The following ETS1 variants were observed in gnomAD, a reference collection of about 807,000 sequenced individuals.
ETS1 encodes the protein ETS proto-oncogene 1, transcription factor.
ETS1 carries 15 observed loss-of-function variants against 58.6 expected under a neutral mutation model. The observed-to-expected ratio is 0.26, with a 90% CI of 0.17 to 0.39. ETS1 has a LOEUF of 0.39. Ranked by LOEUF, ETS1 falls within the 10% of genes least tolerant of loss-of-function variation. ETS1 has a pLI of 1.00. For synonymous variants in ETS1, 214 were observed against 218.2 expected (o/e 0.98, Z 0.17); for missense variants, 417 against 610.5 (o/e 0.68, Z 3.34).
chr11:128,571,265 A>C (rs993749840), intron 2 of ETS1, among the ~76,000 whole-genome samples: 1 of 152,010 alleles, frequency 6.6e-6, no homozygotes, highest in Non-Finnish European at 1.5e-5. Context: ...AAATATAAAA[A>C]ATTAGCCAGG....
intron 2 of ETS1, among the ~76,000 whole-genome samples, chr11:128,564,788 G>A (rs374264322): frequency 3.3e-5 from 5 of 152,154 alleles, no homozygotes; most frequent in African/African-American, 1.2e-4. Flanking sequence ...TAGGCATCTT[G>A]TGGTATGGAG....
rs553901861 is a variant in ETS1, at chr11:128,519,972, G to A, written c.215-29396C>T. ...GAAATCAAACCTCTTTACAATGAAT[G>A]GCAGAAGACTGCCCAATTTCTTTGG... On this transcript the variant is annotated intron_variant, in intron 3 of 9. Transcript: ENST00000392668. Among the ~76,000 whole-genome samples the A allele has an allele frequency of 3.9e-5, 6 of 152,206 alleles. No homozygotes were observed. In the South Asian group the frequency reaches 1.2e-3, roughly 32 times the overall value.
chr11:128,480,970 T>C (rs1038103359), intron 7 of ETS1, among the ~76,000 whole-genome samples: 2 of 152,206 alleles, frequency 1.3e-5, no homozygotes, highest in Non-Finnish European at 2.9e-5. Flanking sequence ...TAAGAGCAGA[T>C]TAGCCTGTTT....
intron 5 of ETS1, among the ~76,000 whole-genome samples, chr11:128,487,469 G>A (rs537228291): frequency 2.6e-5 from 4 of 152,252 alleles, no homozygotes; most frequent in South Asian, 2.1e-4. Flanking sequence ...GGGCAGGCGC[G>A]GTGGCTCACG....
chr11:128,482,241 T>C (rs1224366474), intron 7 of ETS1, among the ~76,000 whole-genome samples: 3 of 152,186 alleles, frequency 2.0e-5, no homozygotes, highest in African/African-American at 7.2e-5. Context: ...AACCAGAATG[T>C]CAAAGCCTTG....
chr11:128,549,969 C>G lies in ETS1; in HGVS notation c.214+6322G>C, dbSNP rs1864203945. Among the ~76,000 whole-genome samples the G allele has an allele frequency of 6.6e-6, 1 of 152,208 alleles. No homozygotes were observed. Among genetic ancestry groups the G allele is most frequent in the Non-Finnish European group, 1.5e-5 (1 of 68,038 alleles). ...TCTTCGATTCACCTAAATCCACACT[C>G]ACACCATGGCGAAAGGAAAAAGAAG... On this transcript the variant is annotated intron_variant, in intron 3 of 9. Coordinates refer to ENST00000392668, the MANE Select transcript of ETS1 (RefSeq NM_001143820.2). The surrounding 1 kb of genome is among the most constrained non-coding windows in gnomAD (Gnocchi z 4.3).
At chr11:128,546,017 A>C (rs760620702) in intron 3 of ETS1, among the ~76,000 whole-genome samples, 15 of 152,246 alleles carry the variant, frequency 9.9e-5, no homozygotes, top group Non-Finnish European at 1.3e-4. Flanking sequence ...TCAAGGAGCT[A>C]GCCACTTTCA....
intron 8 of ETS1, among the ~76,000 whole-genome samples, chr11:128,473,800 G>C (rs915370913): frequency 1.3e-5 from 2 of 152,092 alleles, no homozygotes; most frequent in African/African-American, 4.8e-5. Context: ...AGGCCGTCCA[G>C]AGAAAAGAAA....
intron 1 of ETS1, among the ~76,000 whole-genome samples, chr11:128,577,485 A>G (rs1288080556): frequency 6.6e-6 from 1 of 152,220 alleles, no homozygotes; most frequent in Non-Finnish European, 1.5e-5. Context: ...GATTTAGTTC[A>G]TTTATTCACT....
rs766392041 is a variant in ETS1 at position 128,460,738 on chromosome 11, G to A, written c.*1623C>T. ...ACTATGTTTGTATTTAAACCTTGGG[G>A]GAACTAAAAATCTATTCAAATCTCA... On this transcript the variant is annotated 3_prime_UTR_variant, in exon 10 of 10. Coordinates refer to ENST00000392668, the MANE Select transcript of ETS1 (RefSeq NM_001143820.2). 7.9e-5 allele frequency: 12 copies of A among 152,278 alleles called. No homozygotes were observed. The highest frequency in any genetic ancestry group is 7.2e-4 in the Admixed American group (11 of 15,286). 9.4% of individuals were successfully genotyped at this position (152,278 alleles called of 1,614,324 possible). A position where few individuals can be genotyped will look rare whatever the true frequency, so the allele number is the denominator to read the frequency against.
At chr11:128,486,028 T>C in intron 6 of ETS1, 41 bp downstream of exon 6, 3 of 1,251,144 alleles carry the variant, frequency 2.4e-6, no homozygotes, top group African/African-American at 3.0e-5. Flanking sequence ...TTTTCCTAGT[T>C]TGCTATTATC....
intron 3 of ETS1, among the ~76,000 whole-genome samples, chr11:128,496,007 A>G (rs2135471740): frequency 6.6e-6 from 1 of 152,268 alleles, no homozygotes; most frequent in East Asian, 1.9e-4. Flanking sequence ...CCATACACAC[A>G]CGCAGAAGAA....
At chr11:128,585,095 GAA>G (rs1864975552) in intron 1 of ETS1, among the ~76,000 whole-genome samples, 1 of 27,364 alleles carries the variant, frequency 3.7e-5, no homozygotes, top group African/African-American at 3.6e-4. Flanking sequence ...AGAAAGGAAA[GAA>G]AGAAAGGAAG....
chr11:128,552,663 T>G (rs1782898596), intron 3 of ETS1, among the ~76,000 whole-genome samples: 1 of 152,224 alleles, frequency 6.6e-6, no homozygotes, highest in South Asian at 2.1e-4. Context: ...TGACCATTCA[T>G]GAGCATCATA....
chr11:128,577,981 G>C lies in ETS1; in HGVS notation c.-14-4837C>G, dbSNP rs910845492. Reference sequence around the variant, plus strand: ...AAGCACCCTCATCACCCTGGATGGCGAGGACAGAAACAAGCATGAGATGGA... The same window carrying C: ...AAGCACCCTCATCACCCTGGATGGCCAGGACAGAAACAAGCATGAGATGGA... On this transcript the variant is annotated intron_variant, in intron 1 of 9. Coordinates refer to ENST00000392668, the MANE Select transcript of ETS1 (RefSeq NM_001143820.2). 2.0e-5 allele frequency among the ~76,000 whole-genome samples: 3 copies of C among 151,650 alleles called. No homozygotes were observed. The East Asian group carries it at 5.8e-4, about 29-fold the overall frequency.
intron 2 of ETS1, among the ~76,000 whole-genome samples, chr11:128,559,840 G>A (rs1382605927): frequency 6.6e-6 from 1 of 152,196 alleles, no homozygotes; most frequent in African/African-American, 2.4e-5. Context: ...TCAGAAATCT[G>A]GGCAGCCCAG....
intron 3 of ETS1, among the ~76,000 whole-genome samples, chr11:128,493,999 A>G (rs1862872611): frequency 6.6e-6 from 1 of 152,222 alleles, no homozygotes; most frequent in African/African-American, 2.4e-5. Flanking sequence ...CTCTTAAAAT[A>G]CTTTACTTCA....
intron 3 of ETS1, chr11:128,530,335 C>T (rs974097120): frequency 1.3e-5 from 2 of 152,120 alleles, no homozygotes; most frequent in African/African-American, 2.4e-5. Flanking sequence ...TGGATTGGCT[C>T]CCATACAATA....
intron 1 of ETS1, among the ~76,000 whole-genome samples, chr11:128,585,040 GAA>G (rs1227960040): frequency 1.2e-4 from 1 of 8,342 alleles, no homozygotes; most frequent in Non-Finnish European, 1.9e-4. Flanking sequence ...AGAAAAGAAA[GAA>G]AGAAAGAAAG....
Sources: gnomAD v4.1 joint callset for allele counts (sites outside exome capture counted in the v4.1 genomes callset) on GRCh38, gnomAD v4.1.1 for gene constraint, Gnocchi (gnomAD v3.1) non-coding constraint, MANE v1.5 for transcripts, NCBI Gene and HGNC (gene_info 2026-07-23, HGNC 2026-07-21) for gene names.